The following ALDH3B2 variants were observed in gnomAD, a reference collection of about 807,000 sequenced individuals.
ALDH3B2 encodes aldehyde dehydrogenase family 3 member B2.
Under a neutral mutation model 36.7 loss-of-function variants are expected in ALDH3B2, and 45 were observed. That is an observed-to-expected ratio of 1.23 (90% CI 0.97 to 1.57). ALDH3B2 has a LOEUF of 1.57. Ranked by LOEUF, ALDH3B2 falls within the 40% of genes most tolerant of loss-of-function variation. ALDH3B2 has a pLI of 0.00. For synonymous variants in ALDH3B2, 217 were observed against 226.5 expected (o/e 0.96, Z 0.38); for missense variants, 464 against 513.3 (o/e 0.90, Z 0.93).
chr11:67,663,592 T>C (rs940181779), intron 9 of ALDH3B2, 70 bp downstream of exon 9: 59 of 1,474,816 alleles, frequency 4.0e-5, no homozygotes, highest in Admixed American at 1.1e-4. Flanking sequence ...GAACAGTGAG[T>C]GAAGGGACTT....
upstream of ALDH3B2, among the ~76,000 whole-genome samples, chr11:67,675,988 G>A (rs1193730883): frequency 6.6e-6 from 1 of 152,246 alleles, no homozygotes. Context: ...GCTCATGCCT[G>A]TAATCCCAGC....
At chr11:67,665,644 A>C (rs1591142439) in exon 7 of ALDH3B2, 1 of 1,612,592 alleles carries the variant, frequency 6.2e-7, no homozygotes, top group South Asian at 1.1e-5. Context: ...GGCAGCAGTC[A>C]TGACAATCTT....
chr11:67,663,370 T>C (rs1204787680), exon 10 of ALDH3B2: 10 of 1,613,440 alleles, frequency 6.2e-6, no homozygotes, highest in Non-Finnish European at 8.5e-6. Flanking sequence ...AAGGTGAACT[T>C]GCCGTGGTAC....
At chr11:67,677,289 G>A (rs1181324778), upstream of ALDH3B2, among the ~76,000 whole-genome samples, 2 of 152,076 alleles carry the variant, frequency 1.3e-5, no homozygotes, top group African/African-American at 4.8e-5. Context: ...AGATGCAGGG[G>A]TGGTTTAACG....
At chr11:67,677,960 T>A (rs912755997), upstream of ALDH3B2, among the ~76,000 whole-genome samples, 11 of 151,962 alleles carry the variant, frequency 7.2e-5, no homozygotes, top group Admixed American at 7.2e-4. Context: ...CTAAAAGAAA[T>A]CATAGATGAC....
chr11:67,674,053 T>C (rs1856207293), intron 1 of ALDH3B2, among the ~76,000 whole-genome samples: 1 of 152,216 alleles, frequency 6.6e-6, no homozygotes, highest in South Asian at 2.1e-4. Context: ...CTCCGGCACC[T>C]CCTGATCACA....
At position 67,669,584 on chromosome 11, in the gene ALDH3B2, A is replaced by G. The variant is rs372651295; in HGVS notation, c.-244-1949T>C. Among the ~76,000 whole-genome samples the G allele has an allele frequency of 2.8e-4, 40 of 142,062 alleles. No individual in the cohort carries two copies. The East Asian group carries it at 6.5e-3, about 23-fold the overall frequency. The allele number at this position is 142,062 out of a possible 152,430, so 93.2% of individuals were successfully genotyped here. A position where few individuals can be genotyped will look rare whatever the true frequency, so the allele number is the denominator to read the frequency against. Reference sequence around the variant, plus strand: ...TGTGTGTCTGTGTGTCTGTGTGTGTATGGGTGCTGTGTCCATGTGTATCTG... The same window carrying G: ...TGTGTGTCTGTGTGTCTGTGTGTGTGTGGGTGCTGTGTCCATGTGTATCTG... On this transcript the variant is annotated intron_variant, in intron 1 of 9. Coordinates refer to ENST00000349015, the Ensembl canonical transcript of ALDH3B2.
chr11:67,664,681 C>G, intron 7 of ALDH3B2, 119 bp from the exon 8 acceptor site: 12 of 1,382,918 alleles, frequency 8.7e-6, no homozygotes, highest in South Asian at 1.4e-5. Flanking sequence ...CAAGGTCTGA[C>G]TTCCCAGCGC....
chr11:67,672,672 C>T (rs954651392), intron 1 of ALDH3B2, among the ~76,000 whole-genome samples: 5 of 151,786 alleles, frequency 3.3e-5, no homozygotes, highest in African/African-American at 1.2e-4. Context: ...TCACTGCAAC[C>T]TCTGCCTCCC....
chr11:67,663,961 T>C (rs1855825270), intron 8 of ALDH3B2, among the ~76,000 whole-genome samples, 200 bp from the exon 9 acceptor site: 1 of 152,102 alleles, frequency 6.6e-6, no homozygotes, highest in South Asian at 2.1e-4. Context: ...ATTACCACCA[T>C]GGCGCAAAGA....
intron 2 of ALDH3B2, 99 bp downstream of exon 2, chr11:67,667,374 A>T (rs1855949725): frequency 2.8e-6 from 1 of 355,904 alleles, no homozygotes; most frequent in Non-Finnish European, 5.1e-6. Context: ...ACAGGAATAA[A>T]ACTAGGGACA....
chr11:67,677,907 AAAAGAAGTCG>A (rs1264854721), upstream of ALDH3B2, among the ~76,000 whole-genome samples: 26 of 152,238 alleles, frequency 1.7e-4, no homozygotes, highest in Non-Finnish European at 1.5e-5. Flanking sequence ...ATATACCTAA[AAAAGAAGTCG>A]AAAGACCTCT....
intron 1 of ALDH3B2, among the ~76,000 whole-genome samples, chr11:67,669,192 G>A (rs1313777860): frequency 6.6e-6 from 1 of 150,446 alleles, no homozygotes; most frequent in African/African-American, 2.4e-5. Context: ...GGCTATGTGT[G>A]TGTCTGTGTC....
At chr11:67,676,648 G>A (rs937090214), upstream of ALDH3B2, among the ~76,000 whole-genome samples, 1 of 151,838 alleles carries the variant, frequency 6.6e-6, no homozygotes, top group East Asian at 1.9e-4. Context: ...TATACAAAAG[G>A]TAAATGAAAC....
upstream of ALDH3B2, among the ~76,000 whole-genome samples, chr11:67,676,622 A>T (rs1311399534): frequency 6.6e-6 from 1 of 152,070 alleles, no homozygotes; most frequent in African/African-American, 2.4e-5. Context: ...ACTAAATGAA[A>T]TTGAAACAGA....
At chr11:67,677,560 C>G (rs933034528), upstream of ALDH3B2, among the ~76,000 whole-genome samples, 2 of 152,128 alleles carry the variant, frequency 1.3e-5, no homozygotes, top group Non-Finnish European at 2.9e-5. Flanking sequence ...AGGATGCCCA[C>G]TCTCACCACT....
chr11:67,666,822 G>C (rs1026310648), intron 3 of ALDH3B2, 84 bp downstream of exon 3: 2 of 1,608,882 alleles, frequency 1.2e-6, no homozygotes, highest in African/African-American at 1.3e-5. Flanking sequence ...TGACTCGCCC[G>C]GGGCCTCAGG....
chr11:67,677,307 G>A (rs986323846), upstream of ALDH3B2, among the ~76,000 whole-genome samples: 2 of 152,086 alleles, frequency 1.3e-5, no homozygotes, highest in African/African-American at 4.8e-5. Flanking sequence ...ACGTAGGAGG[G>A]TCAATAAATG....
chr11:67,675,729 G>A (rs995430886), upstream of ALDH3B2, among the ~76,000 whole-genome samples: 1 of 152,234 alleles, frequency 6.6e-6, no homozygotes, highest in African/African-American at 2.4e-5. Flanking sequence ...GGAATACAGG[G>A]CAGAATGCTA....
Sources: allele counts gnomAD v4.1 joint callset (sites outside exome capture counted in the v4.1 genomes callset), GRCh38; gene constraint gnomAD v4.1.1; transcripts MANE v1.5; gene names NCBI Gene and HGNC (gene_info 2026-07-23, HGNC 2026-07-21).